Variants in ADAM28 observed in about 807,000 individuals in gnomAD.
ADAM28 encodes ADAM metallopeptidase domain 28.
In ADAM28, 105 loss-of-function variants were observed where a neutral mutation model predicts 101.2. The observed-to-expected ratio is 1.04, with a 90% CI of 0.89 to 1.22. The LOEUF (loss-of-function observed/expected upper bound fraction) is 1.22. Ranked by LOEUF, ADAM28 falls within the 50% of genes most tolerant of loss-of-function variation. The pLI is 0.00. For synonymous variants in ADAM28, 322 were observed against 310.6 expected (o/e 1.04, Z -0.39); for missense variants, 1,028 against 945.4 (o/e 1.09, Z -1.15).
chr8:24,335,355 A>G (rs1431612896), intron 13 of ADAM28, 91 bp from the exon 14 acceptor site: 7 of 1,447,970 alleles, frequency 4.8e-6, no homozygotes, highest in Non-Finnish European at 6.4e-6. Flanking sequence ...ATGCCCAAAA[A>G]GTCCAAATGG....
At chr8:24,352,492 T>G (rs757523014) in intron 21 of ADAM28, among the ~76,000 whole-genome samples, 32 of 152,300 alleles carry the variant, frequency 2.1e-4, no homozygotes, top group South Asian at 1.9e-3. Flanking sequence ...AGAGCATCTC[T>G]CTTGTGCTTC....
chr8:24,314,260 A>G (rs764713468), intron 6 of ADAM28, among the ~76,000 whole-genome samples: 2 of 152,276 alleles, frequency 1.3e-5, no homozygotes, highest in Middle Eastern at 3.4e-3. Flanking sequence ...TCTTGCTGTC[A>G]TCATAAATTC....
chr8:24,336,580 C>CAAAAAAAAAAAAA (rs769016133), intron 14 of ADAM28, among the ~76,000 whole-genome samples: 2 of 61,630 alleles, frequency 3.2e-5, no homozygotes, highest in Non-Finnish European at 3.1e-5. Flanking sequence ...ACTCCGTCTC[C>CAAAAAAAAAAAAA]AAAAAAAAAA....
chr8:24,351,376 C>T (rs1816111778), intron 20 of ADAM28, 66 bp downstream of exon 20: 7 of 1,431,788 alleles, frequency 4.9e-6, no homozygotes, highest in Middle Eastern at 1.7e-4. Context: ...CACTCTTATC[C>T]TGACTACCTA....
chr8:24,347,963 CT>C (rs1402081331), intron 18 of ADAM28, among the ~76,000 whole-genome samples: 4 of 151,902 alleles, frequency 2.6e-5, no homozygotes, highest in Non-Finnish European at 4.4e-5. Flanking sequence ...TTTAGTAGTA[CT>C]CACATCTTTG....
At chr8:24,339,999 T>C (rs1323738561) in intron 15 of ADAM28, among the ~76,000 whole-genome samples, 1 of 152,178 alleles carries the variant, frequency 6.6e-6, no homozygotes, top group Admixed American at 6.5e-5. Flanking sequence ...GCTTGAACAG[T>C]TTTTTAAACT....
intron 6 of ADAM28, among the ~76,000 whole-genome samples, chr8:24,316,445 AGTT>A (rs1231800595): frequency 1.3e-5 from 2 of 152,078 alleles, no homozygotes; most frequent in Non-Finnish European, 1.5e-5. Context: ...TGTGCAATGC[AGTT>A]GTTGATGATT....
chr8:24,333,031 C>T (rs1563308264), intron 13 of ADAM28, among the ~76,000 whole-genome samples: 1 of 152,052 alleles, frequency 6.6e-6, no homozygotes, highest in African/African-American at 2.4e-5. Context: ...CCTGGATACA[C>T]CTGAGAACAT....
At chr8:24,307,836 C>T (rs1809905636) in intron 2 of ADAM28, among the ~76,000 whole-genome samples, 1 of 152,160 alleles carries the variant, frequency 6.6e-6, no homozygotes, top group Non-Finnish European at 1.5e-5. Context: ...AGCACAATTC[C>T]TCCCTCAGAT....
rs377209974 is a variant in ADAM28, at chr8:24,339,585, G to C, written c.1670+17G>C. On this transcript the variant is annotated intron_variant, in intron 15 of 22. Transcript: ENST00000265769. ...CAAAGCAAAGTAAGTGGCCTTGTCTGAACCTTCCTGCTTCACAGACTAGAG... is the reference window on the plus strand; with the variant it reads ...CAAAGCAAAGTAAGTGGCCTTGTCTCAACCTTCCTGCTTCACAGACTAGAG... The C allele has an allele frequency of 7.5e-6, 12 of 1,590,380 alleles. No homozygotes were observed. The highest frequency in any genetic ancestry group is 8.6e-6 in the Non-Finnish European group (10 of 1,162,476).
At chr8:24,318,069 T>C (rs971035991) in intron 6 of ADAM28, among the ~76,000 whole-genome samples, 3 of 151,770 alleles carry the variant, frequency 2.0e-5, no homozygotes, top group Admixed American at 6.6e-5. Context: ...TACAGAAAAA[T>C]GGATTAAGGT....
intron 10 of ADAM28, among the ~76,000 whole-genome samples, chr8:24,327,945 A>T (rs561198190): frequency 6.6e-6 from 1 of 152,144 alleles, no homozygotes; most frequent in African/African-American, 2.4e-5. Context: ...TTTGTTTTAG[A>T]TATCCATCTT....
At chr8:24,301,648 T>C (rs1349226187) in intron 2 of ADAM28, among the ~76,000 whole-genome samples, 1 of 152,214 alleles carries the variant, frequency 6.6e-6, no homozygotes, top group Non-Finnish European at 1.5e-5. Flanking sequence ...TAGCTAGGAT[T>C]CAAACCTCTG....
In ADAM28 at chr8:24,313,537, A is replaced by C. The variant is rs1810753150; in HGVS notation, c.533A>C (p.His178Pro). 1 of 1,613,686 alleles carries C rather than the reference A, an allele frequency of 6.2e-7. No individual in the cohort carries two copies. The highest frequency in any genetic ancestry group is 1.7e-5 in the Admixed American group (1 of 59,936). Residue 178 changes from histidine to proline, a missense_variant, in exon 6 of 23, where the codon CAC (histidine) becomes CCC (proline). By Grantham distance (77) the His-to-Pro change is moderately conservative. Transcript: ENST00000265769. ...GGGATGGATGGTGTGTTGTGGGCCC[A>C]CGATTTGCAGCAGAACATTGCCCTA... Reference protein sequence around the residue: ...TCGMDGVLWAHDLQQNIALPA... With the variant: ...TCGMDGVLWAPDLQQNIALPA...
At chr8:24,344,444 G>A (rs1027693863) in intron 18 of ADAM28, among the ~76,000 whole-genome samples, 2 of 152,138 alleles carry the variant, frequency 1.3e-5, no homozygotes, top group African/African-American at 4.8e-5. Context: ...GATCTCAGGT[G>A]ATGAGCCAAT....
intron 21 of ADAM28, among the ~76,000 whole-genome samples, chr8:24,352,938 G>T (rs1816344589): frequency 6.6e-6 from 1 of 152,076 alleles, no homozygotes; most frequent in Admixed American, 6.6e-5. Flanking sequence ...GTATCAGATA[G>T]TCATTGGTGA....
At chr8:24,353,902 A>ATGTCTTTT (rs1816470060) in intron 22 of ADAM28, 70 bp downstream of exon 22, 1 of 1,127,872 alleles carries the variant, frequency 8.9e-7, no homozygotes, top group South Asian at 1.5e-5. Flanking sequence ...AAGGCCCACC[A>ATGTCTTTT]TGTCTTTTTA....
Position 24,298,607 on chromosome 8 carries a change from T to C in ADAM28, c.47-1367T>C, listed in dbSNP as rs12547105. Among the ~76,000 whole-genome samples the C allele has an allele frequency of 8.1e-3, 1,240 of 152,272 alleles. 16 individuals carry two copies. Among genetic ancestry groups the C allele is most frequent in the Admixed American group, 0.018 (275 of 15,290 alleles). On this transcript the variant is annotated intron_variant, in intron 1 of 22. Coordinates refer to ENST00000265769, the MANE Select transcript of ADAM28 (RefSeq NM_014265.6). ...ACAGTAACATAAATGTATCTCACCA[T>C]AGAACTTAAGATTTGAGTACTTTAA...
chr8:24,315,229 T>C (rs192978613), intron 6 of ADAM28, among the ~76,000 whole-genome samples: 1 of 151,858 alleles, frequency 6.6e-6, no homozygotes, highest in African/African-American at 2.4e-5. Context: ...AAGAAAAAGA[T>C]GGAAGAACAT....
Sources: gnomAD v4.1 joint callset for allele counts (sites outside exome capture counted in the v4.1 genomes callset) on GRCh38, gnomAD v4.1.1 for gene constraint, MANE v1.5 for transcripts, NCBI Gene and HGNC (gene_info 2026-07-23, HGNC 2026-07-21) for gene names.